Variants in PTPRD observed in about 807,000 individuals in gnomAD.
PTPRD encodes the protein receptor-type tyrosine-protein phosphatase delta.
PTPRD carries 34 observed loss-of-function variants against 214.5 expected under a neutral mutation model. The ratio of observed to expected loss-of-function variants is 0.16; its 90% confidence interval spans 0.12 to 0.21. The LOEUF is 0.21. Among genes scored for constraint, PTPRD ranks in the 10% least tolerant of loss-of-function variants. The pLI is 1.00. For missense variants in PTPRD, 2,545 were observed against 2,398.7 expected (o/e 1.06, Z -1.27); for synonymous variants, 1,128 against 845.7 (o/e 1.33, Z -5.79).
intron 3 of PTPRD, among the ~76,000 whole-genome samples, chr9:10,131,991 A>G (rs1400157271): frequency 6.6e-6 from 1 of 152,176 alleles, no homozygotes; most frequent in African/African-American, 2.4e-5. Flanking sequence ...CCTCTCTTCA[A>G]CTACACACCA....
chr9:8,582,835 TTGG>T (rs1465736055), intron 14 of PTPRD, among the ~76,000 whole-genome samples: 5 of 152,136 alleles, frequency 3.3e-5, no homozygotes, highest in Non-Finnish European at 7.4e-5. Context: ...TGTGGCAAAG[TTGG>T]TGGGCTTTGT....
At chr9:9,081,186 T>A (rs1437674196) in intron 10 of PTPRD, among the ~76,000 whole-genome samples, 1 of 152,174 alleles carries the variant, frequency 6.6e-6, no homozygotes, top group East Asian at 1.9e-4. Flanking sequence ...GAGATTCTGG[T>A]ACATTGTATG....
At chr9:8,563,524 G>A (rs2087393713) in intron 14 of PTPRD, among the ~76,000 whole-genome samples, 1 of 146,392 alleles carries the variant, frequency 6.8e-6, no homozygotes, top group African/African-American at 2.5e-5. Context: ...TGCAACCTCT[G>A]CTCATGGGTT....
At chr9:8,771,864 T>C (rs1466187552) in intron 11 of PTPRD, among the ~76,000 whole-genome samples, 3 of 151,658 alleles carry the variant, frequency 2.0e-5, no homozygotes, top group Admixed American at 6.6e-5. Context: ...ACTAACATCA[T>C]CTTATAAAAA....
intron 5 of PTPRD, among the ~76,000 whole-genome samples, chr9:9,879,480 T>G (rs915687004): frequency 2.0e-5 from 3 of 152,228 alleles, no homozygotes; most frequent in African/African-American, 7.2e-5. Flanking sequence ...AGGAAGTGAT[T>G]GATTTATCTT....
intron 9 of PTPRD, among the ~76,000 whole-genome samples, chr9:9,369,503 G>A (rs2058843338): frequency 6.6e-6 from 1 of 152,032 alleles, no homozygotes; most frequent in African/African-American, 2.4e-5. Context: ...GTAGATTCTG[G>A]ATATTAGCCT....
intron 2 of PTPRD, among the ~76,000 whole-genome samples, chr9:10,547,931 A>G (rs2060506723): frequency 6.6e-6 from 1 of 152,058 alleles, no homozygotes; most frequent in South Asian, 2.1e-4. Context: ...TCAGTAATGG[A>G]TTTCTCTAAG....
At chr9:9,329,347 TC>T (rs2041429091) in intron 9 of PTPRD, among the ~76,000 whole-genome samples, 1 of 152,200 alleles carries the variant, frequency 6.6e-6, no homozygotes, top group Admixed American at 6.5e-5. Context: ...CCCCATTTCA[TC>T]TTTTCATAAC....
chr9:9,151,302 T>C (rs2099876539), intron 10 of PTPRD, among the ~76,000 whole-genome samples: 1 of 152,152 alleles, frequency 6.6e-6, no homozygotes, highest in African/African-American at 2.4e-5. Context: ...TCAAAAGCAA[T>C]GATATTGCAC....
At chr9:10,481,725 A>G (rs972058804) in intron 2 of PTPRD, among the ~76,000 whole-genome samples, 5 of 152,214 alleles carry the variant, frequency 3.3e-5, no homozygotes, top group African/African-American at 1.2e-4. Flanking sequence ...GAGTGAAAAC[A>G]TTTTTTAATT....
chr9:9,531,703 T>C (rs2075508382), intron 8 of PTPRD, among the ~76,000 whole-genome samples: 2 of 152,144 alleles, frequency 1.3e-5, no homozygotes, highest in Non-Finnish European at 2.9e-5. Flanking sequence ...TTTGGGGTAT[T>C]GAAAATAGTG....
At chr9:8,471,474 G>A (rs1482524964) in intron 30 of PTPRD, among the ~76,000 whole-genome samples, 1 of 152,050 alleles carries the variant, frequency 6.6e-6, no homozygotes, top group Non-Finnish European at 1.5e-5. Flanking sequence ...GTTTTTAAAA[G>A]GAGGATATAG....
chr9:8,656,122 G>A (rs532665235), intron 12 of PTPRD, among the ~76,000 whole-genome samples: 2 of 152,060 alleles, frequency 1.3e-5, no homozygotes, highest in South Asian at 4.2e-4. Context: ...CTGCCCAACA[G>A]CCCCCCACAA....
At position 10,345,216 on chromosome 9, in the gene PTPRD, C is replaced by G. The variant is rs960819616; in HGVS notation, c.-599-4199G>C. Among the ~76,000 whole-genome samples the G allele has an allele frequency of 2.0e-5, 3 of 152,170 alleles. No individual in the cohort carries two copies. In the South Asian group the frequency reaches 6.2e-4, roughly 32 times the overall value. ...TATAAATTTTAAATAATATTTCAGA[C>G]AACCTCAATTTACACATGGAAATAT... On this transcript the variant is annotated intron_variant, in intron 2 of 45. Transcript: ENST00000381196.
chr9:10,373,282 A>G (rs1329717988), intron 2 of PTPRD, among the ~76,000 whole-genome samples: 1 of 152,106 alleles, frequency 6.6e-6, no homozygotes, highest in Non-Finnish European at 1.5e-5. Context: ...GAGTCAAATA[A>G]AAAATTTCAT....
At chr9:9,490,667 G>A (rs1025855432) in intron 8 of PTPRD, among the ~76,000 whole-genome samples, 1 of 151,898 alleles carries the variant, frequency 6.6e-6, no homozygotes, top group Non-Finnish European at 1.5e-5. Context: ...AAATTAGAGT[G>A]TTATAAATTC....
chr9:9,327,042 T>C (rs2040243986), intron 9 of PTPRD, among the ~76,000 whole-genome samples: 1 of 152,184 alleles, frequency 6.6e-6, no homozygotes, highest in Non-Finnish European at 1.5e-5. Flanking sequence ...CTGTGTTTAC[T>C]AAAGAGGTCA....
chr9:10,345,628 T>G (rs1597644696), intron 2 of PTPRD, among the ~76,000 whole-genome samples: 1 of 152,222 alleles, frequency 6.6e-6, no homozygotes, highest in Non-Finnish European at 1.5e-5. Flanking sequence ...TATTCCACGG[T>G]GTATATGTGC....
At chr9:8,726,044 C>CAA (rs1555219632) in intron 12 of PTPRD, among the ~76,000 whole-genome samples, 2,340 of 146,444 alleles carry the variant, frequency 0.016, 73 homozygotes, top group African/African-American at 0.055. Context: ...CACACACACA[C>CAA]ACACACACAC....
Sources: allele counts gnomAD v4.1 joint callset (sites outside exome capture counted in the v4.1 genomes callset), GRCh38; gene constraint gnomAD v4.1.1; transcripts MANE v1.5; gene names NCBI Gene and HGNC (gene_info 2026-07-23, HGNC 2026-07-21).